YY2: variants seen among roughly 807,000 people sequenced by gnomAD.
The protein encoded by YY2 is YY2 transcription factor, also known as transcription factor YY2.
For missense variants in YY2, 254 were observed against 305.3 expected (o/e 0.83, Z 1.25); for synonymous variants, 157 against 131.2 (o/e 1.20, Z -1.35).
chrX:21,856,362 TTTCTCTGCAGCTCGC>T lies in YY2; in HGVS notation c.-122_-108del. 1.3e-6 allele frequency: 1 copy of T among 777,251 alleles called. No individual in the cohort carries two copies. Among genetic ancestry groups the T allele is most frequent in the South Asian group, 2.5e-5 (1 of 39,300 alleles). 64.1% of individuals were successfully genotyped at this position (777,251 alleles called of 1,213,427 possible). A position where few individuals can be genotyped will look rare whatever the true frequency, so the allele number is the denominator to read the frequency against. The stretch of plus-strand genomic sequence containing the variant: ...CGCGCCTTTCTCTGCAGCTCGCGCC[TTTCTCTGCAGCTCGC>T]CCCTTCCTCTGCAGCTCGCCCCTTC... On this transcript the variant is annotated 5_prime_UTR_variant, in exon 1 of 1. Transcript: ENST00000429584.
Position 21,857,426 on chromosome X carries a change from A to G in YY2, c.942A>G (p.Thr314=). 2 of 1,212,043 alleles carry G rather than the reference A, an allele frequency of 1.7e-6. No individual in the cohort carries two copies. Among genetic ancestry groups the G allele is most frequent in the Non-Finnish European group, 2.2e-6 (2 of 895,574 alleles). ...CCGGCGAGAAGCCCTTTCAGTGCAC[A>G]TTCGAAGGCTGCGGGAAACGCTTTT... The part of the protein sequence containing the change: ...VHTGEKPFQC[T]FEGCGKRFSL... The change falls in exon 1 of 1, where the codon ACA becomes ACG. Residue 314 remains threonine, a synonymous_variant. Coordinates refer to ENST00000429584, the MANE Select transcript of YY2 (RefSeq NM_206923.4).
In YY2 at chrX:21,857,745, T is replaced by TA. The variant is rs1802834262; in HGVS notation, c.*143dup. 2.9e-6 allele frequency: 2 copies of TA among 693,292 alleles called. No homozygotes were observed. Among genetic ancestry groups the TA allele is most frequent in the Non-Finnish European group, 4.2e-6 (2 of 477,263 alleles). 57.1% of individuals were successfully genotyped at this position (693,292 alleles called of 1,213,427 possible). A position where few individuals can be genotyped will look rare whatever the true frequency, so the allele number is the denominator to read the frequency against. ...TGCACATTTAAGGTTCGTGTTTTGTTAGAGTAGTAAAAATAGAATTTAAAC... is the reference window on the plus strand; with the variant it reads ...TGCACATTTAAGGTTCGTGTTTTGTTAAGAGTAGTAAAAATAGAATTTAAAC... On this transcript the variant is annotated 3_prime_UTR_variant, in exon 1 of 1. Coordinates refer to ENST00000429584, the MANE Select transcript of YY2 (RefSeq NM_206923.4).
At position 21,857,473 on chromosome X, in the gene YY2, C is replaced by T; in HGVS notation, c.989C>T (p.Thr330Ile). ...KRFSLDFNLR[T>I]HLRIHTGDKP... ...TTTTCCCTTGATTTCAATTTGCGCACACACTTGCGCATCCACACCGGCGAT... is the reference window on the plus strand; with the variant it reads ...TTTTCCCTTGATTTCAATTTGCGCATACACTTGCGCATCCACACCGGCGAT... The change falls in exon 1 of 1, where the codon ACA becomes ATA. Residue 330 changes from threonine (T) to isoleucine (I), a missense_variant. Thr to Ile is a moderately conservative substitution (Grantham distance 89, BLOSUM62 -1). Transcript: ENST00000429584. 1 of 1,212,011 alleles carries T rather than the reference C, an allele frequency of 8.3e-7. No homozygotes were observed. The highest frequency in any genetic ancestry group is 1.1e-6 in the Non-Finnish European group (1 of 895,588).
At position 21,856,655 on chromosome X, in the gene YY2, G is replaced by A. The variant is rs772576056; in HGVS notation, c.171G>A (p.Pro57=). 7 of 1,209,896 alleles carry A rather than the reference G, an allele frequency of 5.8e-6. No homozygotes were observed. Among genetic ancestry groups the A allele is most frequent in the Non-Finnish European group, 7.8e-6 (7 of 895,209 alleles). ...GNWIYGGHNH[P]PLMVLQPLFT... ...GGATCTACGGTGGCCACAACCATCC[G>A]CCATTGATGGTGTTGCAGCCGCTCT... is the stretch of plus-strand genomic sequence containing the variant. The change falls in exon 1 of 1, where the codon CCG becomes CCA. Residue 57 remains proline (P), a synonymous_variant. Transcript: ENST00000429584.
rs749591405 is a variant in YY2, at chrX:21,858,542, C to T, written c.*939C>T. On this transcript the variant is annotated 3_prime_UTR_variant, in exon 1 of 1. Transcript: ENST00000429584. ...GAGTGGAGGGAGATCAGGAATGCCACTAAACATCCTACAATGCACAGACAG... is the reference window on the plus strand; with the variant it reads ...GAGTGGAGGGAGATCAGGAATGCCATTAAACATCCTACAATGCACAGACAG... 1 of 122,919 alleles carries T rather than the reference C, an allele frequency of 8.1e-6. No homozygotes were observed. Among genetic ancestry groups the T allele is most frequent in the South Asian group, 3.7e-4 (1 of 2,706 alleles). The allele number at this position is 122,919 out of a possible 1,213,427, so 10.1% of individuals were successfully genotyped here. A position where few individuals can be genotyped will look rare whatever the true frequency, so the allele number is the denominator to read the frequency against.
rs748868186 is a variant in YY2 at position 21,856,941 on chromosome X, A to G, written c.457A>G (p.Thr153Ala). Residue 153 changes from threonine to alanine, a missense_variant, in exon 1 of 1, where the codon ACT (threonine) becomes GCT (alanine). Physicochemically the swap from Thr to Ala is moderately conservative, Grantham distance 58. Coordinates refer to ENST00000429584, the MANE Select transcript of YY2 (RefSeq NM_206923.4). ...GCCCAGCGGCAAGAGTGCCACCAGC[A>G]CTGAGGCCAACCCGGCAGGCAGCAG... ...KKPSGKSATS[T>A]EANPAGSSSS... is the part of the protein sequence containing the mutation. 6 of 1,210,564 alleles carry G rather than the reference A, an allele frequency of 5.0e-6. No homozygotes were observed. The East Asian group carries it at 1.5e-4, about 30-fold the overall frequency.
Position 21,856,310 on chromosome X carries a change from CTGCAGCTCGCGCCT to C in YY2, c.-173_-160del, listed in dbSNP as rs1463632956. On this transcript the variant is annotated 5_prime_UTR_variant, in exon 1 of 1. The change abolishes the stop of an existing upstream ORF in the 5' untranslated region. Coordinates refer to ENST00000429584, the MANE Select transcript of YY2 (RefSeq NM_206923.4). ...CTTTCTCTGCAGCTCGCGCCTTTCT[CTGCAGCTCGCGCCT>C]TTCTCTGCAGCTCGCGCCTTTCTCT... The C allele has an allele frequency of 2.7e-5, 10 of 376,882 alleles. No individual in the cohort carries two copies. The highest frequency in any genetic ancestry group is 4.5e-5 in the Non-Finnish European group (10 of 220,518). 31.1% of individuals were successfully genotyped at this position (376,882 alleles called of 1,213,427 possible).
At position 21,856,909 on chromosome X, in the gene YY2, G is replaced by A; in HGVS notation, c.425G>A (p.Ser142Asn). The A allele has an allele frequency of 8.3e-7, 1 of 1,211,936 alleles. No homozygotes were observed. ...ACCCAGAGCCGCAGCAAAAAGCCCA[G>A]CAAAAAGCCCAGCGGCAAGAGTGCC... ...TSTQSRSKKP[S>N]KKPSGKSATS... The change falls in exon 1 of 1, where the codon AGC (serine) becomes AAC (asparagine). Residue 142 changes from serine (S) to asparagine (N), a missense_variant. By Grantham distance (46) the Ser-to-Asn change is conservative (BLOSUM62 1). Transcript: ENST00000429584.
In YY2 at chrX:21,857,874, G is replaced by A. The variant is rs962541200; in HGVS notation, c.*271G>A. The A allele has an allele frequency of 7.5e-6, 2 of 265,664 alleles. No homozygotes were observed. Among genetic ancestry groups the A allele is most frequent in the African/African-American group, 2.8e-5 (1 of 35,563 alleles). 21.9% of individuals were successfully genotyped at this position (265,664 alleles called of 1,213,427 possible). A position where few individuals can be genotyped will look rare whatever the true frequency, so the allele number is the denominator to read the frequency against. On this transcript the variant is annotated 3_prime_UTR_variant, in exon 1 of 1. Transcript: ENST00000429584. ...TTTGGTCCCAACAGGAGAAAAATTC[G>A]TAGACTTCACATCAAGAGACGGTTC...
chrX:21,856,149 T>G lies in YY2; in HGVS notation c.-336T>G. 4.2e-6 allele frequency: 1 copy of G among 238,889 alleles called. No homozygotes were observed. Among genetic ancestry groups the G allele is most frequent in the Non-Finnish European group, 7.5e-6 (1 of 133,148 alleles). The allele number at this position is 238,889 out of a possible 1,213,427, so 19.7% of individuals were successfully genotyped here. On this transcript the variant is annotated 5_prime_UTR_variant, in exon 1 of 1. Coordinates refer to ENST00000429584, the MANE Select transcript of YY2 (RefSeq NM_206923.4). ...GTGGAAAAACAACAGCTGGGCGGGG[T>G]CGCAGGGTGGCAAACGTACGCGGGC... is the stretch of plus-strand genomic sequence containing the variant.
rs1335314693 is a variant in YY2, at chrX:21,858,455, TGC to T, written c.*853_*854del. ...CTTCTAAAGAAGGAAAAAAGTAGTT[TGC>T]CTATATCAGTACAGAAGTTAGAACT... On this transcript the variant is annotated 3_prime_UTR_variant, in exon 1 of 1. Coordinates refer to ENST00000429584, the MANE Select transcript of YY2 (RefSeq NM_206923.4). 8.1e-6 allele frequency: 1 copy of T among 123,152 alleles called. No homozygotes were observed. Among genetic ancestry groups the T allele is most frequent in the African/African-American group, 3.3e-5 (1 of 30,756 alleles). 10.1% of individuals were successfully genotyped at this position (123,152 alleles called of 1,213,427 possible).
In YY2 at chrX:21,858,283, A is replaced by G. The variant is rs1243424711; in HGVS notation, c.*680A>G. The stretch of plus-strand genomic sequence containing the variant: ...CTATTTTAGTCATTTTATTTTCCCC[A>G]AAATACTACCAGATGCTGTTGTTTA... On this transcript the variant is annotated 3_prime_UTR_variant, in exon 1 of 1. Coordinates refer to ENST00000429584, the MANE Select transcript of YY2 (RefSeq NM_206923.4). 1 of 123,305 alleles carries G rather than the reference A, an allele frequency of 8.1e-6. No homozygotes were observed. Among genetic ancestry groups the G allele is most frequent in the Admixed American group, 9.4e-5 (1 of 10,603 alleles). 10.2% of individuals were successfully genotyped at this position (123,305 alleles called of 1,213,427 possible). A position where few individuals can be genotyped will look rare whatever the true frequency, so the allele number is the denominator to read the frequency against.
chrX:21,856,618 T>C lies in YY2; in HGVS notation c.134T>C (p.Val45Ala), dbSNP rs1181657985. The change falls in exon 1 of 1, where the codon GTG (valine) becomes GCG (alanine). Residue 45 changes from valine (V) to alanine (A), a missense_variant. Transcript: ENST00000429584. ...ACGGAAAGCGTCCAGTACGAGGATG[T>C]GGATGGCAATTGGATCTACGGTGGC... ...IPTESVQYEDVDGNWIYGGHN... is the reference protein window; with the variant it reads ...IPTESVQYEDADGNWIYGGHN... 1.7e-6 allele frequency: 2 copies of C among 1,210,298 alleles called. No homozygotes were observed. Among genetic ancestry groups the C allele is most frequent in the Non-Finnish European group, 2.2e-6 (2 of 895,332 alleles).
chrX:21,856,508 C>T lies in YY2; in HGVS notation c.24C>T (p.Ser8=), dbSNP rs151018360. The T allele has an allele frequency of 1.1e-3, 1,307 of 1,207,388 alleles. 8 individuals carry two copies. In the Middle Eastern group the frequency reaches 0.04, roughly 37 times the overall value. MASNEDF[S]ITQDLEIPAD... is the part of the protein sequence containing the mutation. The stretch of plus-strand genomic sequence containing the variant: ...CCATGGCCTCCAACGAAGATTTCTC[C>T]ATCACACAAGACCTGGAGATCCCGG... Residue 8 remains serine (S), a synonymous_variant, in exon 1 of 1, where the codon TCC becomes TCT. Coordinates refer to ENST00000429584, the MANE Select transcript of YY2 (RefSeq NM_206923.4).
rs1167562337 is a variant in YY2 at position 21,857,589 on chromosome X, A to C, written c.1105A>C (p.Lys369Gln). The C allele has an allele frequency of 5.8e-6, 7 of 1,202,368 alleles. No individual in the cohort carries two copies. The East Asian group carries it at 1.5e-4, about 26-fold the overall frequency. The change falls in exon 1 of 1, where the codon AAA (lysine) becomes CAA (glutamine). Residue 369 changes from lysine to glutamine, a missense_variant. Physicochemically the swap from Lys to Gln is moderately conservative, Grantham distance 53. Coordinates refer to ENST00000429584, the MANE Select transcript of YY2 (RefSeq NM_206923.4). ...KTHILTHVKT[K>Q]NNP ...CCACATATTAACGCATGTGAAGACC[A>C]AAAACAACCCGTGAAAAGGAGAAGA...
Position 21,857,334 on chromosome X carries a change from G to A in YY2, c.850G>A (p.Val284Ile), listed in dbSNP as rs762217625. The stretch of plus-strand genomic sequence containing the variant: ...CCACATCCACGGGCCCAGAGTCCAC[G>A]TATGTGCAGAATGTGGCAAAGCTTT... The part of the protein sequence containing the change: ...HLHIHGPRVH[V>I]CAECGKAFLE... The change falls in exon 1 of 1, where the codon GTA becomes ATA. Residue 284 changes from valine (V) to isoleucine (I), a missense_variant. Val to Ile is a conservative substitution (Grantham distance 29, BLOSUM62 3). Coordinates refer to ENST00000429584, the MANE Select transcript of YY2 (RefSeq NM_206923.4). The A allele has an allele frequency of 8.2e-7, 1 of 1,212,318 alleles. No homozygotes were observed.
chrX:21,856,345 T>C lies in YY2; in HGVS notation c.-140T>C, dbSNP rs866423886. ...CGCCTTTCTCTGCAGCTCGCGCCTT[T>C]CTCTGCAGCTCGCGCCTTTCTCTGC... On this transcript the variant is annotated 5_prime_UTR_variant, in exon 1 of 1. Coordinates refer to ENST00000429584, the MANE Select transcript of YY2 (RefSeq NM_206923.4). 34 of 517,918 alleles carry C rather than the reference T, an allele frequency of 6.6e-5. No individual in the cohort carries two copies. Among genetic ancestry groups the C allele is most frequent in the African/African-American group, 5.1e-4 (18 of 35,119 alleles). The allele number at this position is 517,918 out of a possible 1,213,427, so 42.7% of individuals were successfully genotyped here.
rs2092926823 is a variant in YY2 at position 21,858,520 on chromosome X, T to C, written c.*917T>C. The stretch of plus-strand genomic sequence containing the variant: ...GAGGGTGCTACTGGCATCTGGTGAG[T>C]GGAGGGAGATCAGGAATGCCACTAA... On this transcript the variant is annotated 3_prime_UTR_variant, in exon 1 of 1. Transcript: ENST00000429584. The C allele has an allele frequency of 8.2e-6, 1 of 122,057 alleles. No homozygotes were observed. Among genetic ancestry groups the C allele is most frequent in the South Asian group, 3.8e-4 (1 of 2,662 alleles). The allele number at this position is 122,057 out of a possible 1,213,427, so 10.1% of individuals were successfully genotyped here.
Position 21,856,584 on chromosome X carries a change from G to A in YY2, c.100G>A (p.Asp34Asn). ...DINVEPLPME[D>N]IPTESVQYED... is the part of the protein sequence containing the mutation. ...CAATGTGGAGCCCCTTCCTATGGAGGACATTCCGACGGAAAGCGTCCAGTA... is the reference window on the plus strand; with the variant it reads ...CAATGTGGAGCCCCTTCCTATGGAGAACATTCCGACGGAAAGCGTCCAGTA... The change falls in exon 1 of 1, where the codon GAC (aspartate) becomes AAC (asparagine). Residue 34 changes from aspartate (D) to asparagine (N), a missense_variant. Asp to Asn is a conservative substitution (Grantham distance 23, BLOSUM62 1). Transcript: ENST00000429584. The A allele has an allele frequency of 1.7e-6, 2 of 1,211,971 alleles. No individual in the cohort carries two copies. The highest frequency in any genetic ancestry group is 1.8e-5 in the South Asian group (1 of 56,996).
Sources: allele counts gnomAD v4.1 joint callset, GRCh38; gene constraint gnomAD v4.1.1; transcripts MANE v1.5; gene names NCBI Gene and HGNC (gene_info 2026-07-23, HGNC 2026-07-21).